FMN1: variants seen among roughly 807,000 people sequenced by gnomAD.
The protein encoded by FMN1 is formin-1.
In FMN1, 110 loss-of-function variants were observed where a neutral mutation model predicts 132.4. The observed-to-expected ratio is 0.83, with a 90% CI of 0.71 to 0.97. The LOEUF (loss-of-function observed/expected upper bound fraction) is 0.97. FMN1 is among the 50% of genes least tolerant of loss of function. The pLI is 0.00. For synonymous variants in FMN1, 722 were observed against 651.7 expected, an observed-to-expected ratio of 1.11 and a Z score of -1.64; for missense variants, 1,792 against 1,705.3, an observed-to-expected ratio of 1.05 and a Z score of -0.90.
chr15:33,048,644 A>AAAAAAAAAAAACAAAAAC, intron 6 of FMN1, among the ~76,000 whole-genome samples: 22 of 86,898 alleles, frequency 2.5e-4, no homozygotes, highest in South Asian at 6.2e-4. Flanking sequence ...AAAAAAAAAA[A>AAAAAAAAAAAACAAAAAC]AAAAACCAAC....
intron 9 of FMN1, among the ~76,000 whole-genome samples, chr15:32,958,866 A>G (rs1330848411): frequency 6.6e-6 from 1 of 152,020 alleles, no homozygotes; most frequent in Non-Finnish European, 1.5e-5. Context: ...ATGTGGTGAA[A>G]GCCCGTCTCT....
chr15:32,818,126 C>T (rs1247287289), intron 17 of FMN1, among the ~76,000 whole-genome samples: 2 of 152,112 alleles, frequency 1.3e-5, no homozygotes, highest in African/African-American at 4.8e-5. Flanking sequence ...TATTTATAAT[C>T]ACACACTCAT....
At chr15:32,780,235 G>A (rs2056620415) in intron 19 of FMN1, among the ~76,000 whole-genome samples, 6 of 152,138 alleles carry the variant, frequency 3.9e-5, no homozygotes, top group Admixed American at 3.9e-4. Context: ...AGATGACTAA[G>A]GCATTGTAAG....
intron 12 of FMN1, among the ~76,000 whole-genome samples, chr15:32,907,351 A>G (rs1436041135): frequency 6.6e-6 from 1 of 152,076 alleles, no homozygotes; most frequent in Non-Finnish European, 1.5e-5. Context: ...GATTCTCATA[A>G]GGAGCGTGCA....
intron 19 of FMN1, among the ~76,000 whole-genome samples, chr15:32,794,079 T>C (rs2057188756): frequency 6.6e-6 from 1 of 152,130 alleles, no homozygotes; most frequent in Admixed American, 6.5e-5. Flanking sequence ...TTGAACTATC[T>C]TCTGTAAAGG....
chr15:33,123,199 C>T (rs1201481520), intron 4 of FMN1, among the ~76,000 whole-genome samples: 1 of 151,716 alleles, frequency 6.6e-6, no homozygotes, highest in African/African-American at 2.4e-5. Context: ...ATTCAAGTCC[C>T]CATCAACTGG....
At chr15:32,953,391 C>T (rs1596335407) in intron 9 of FMN1, among the ~76,000 whole-genome samples, 1 of 152,292 alleles carries the variant, frequency 6.6e-6, no homozygotes, top group South Asian at 2.1e-4. Flanking sequence ...TGAGGCATAA[C>T]TCAGAGTCAG....
intron 7 of FMN1, among the ~76,000 whole-genome samples, chr15:32,982,238 G>T (rs1400204752): frequency 6.6e-6 from 1 of 152,146 alleles, no homozygotes; most frequent in Non-Finnish European, 1.5e-5. Flanking sequence ...GGAGGAGTGA[G>T]AGAAGAAAAC....
chr15:33,150,240 C>A, intron 4 of FMN1: 1 of 985,446 alleles, frequency 1.0e-6, no homozygotes, highest in Non-Finnish European at 1.2e-6. Flanking sequence ...TAGCACCAAG[C>A]TCCAAGGACA....
chr15:33,048,645 A>AAAAAAAAAAAAAAAC (rs1566865413), intron 6 of FMN1, among the ~76,000 whole-genome samples: 4 of 83,250 alleles, frequency 4.8e-5, no homozygotes, highest in African/African-American at 1.3e-4. Flanking sequence ...AAAAAAAAAA[A>AAAAAAAAAAAAAAAC]AAAACCAACA....
intron 4 of FMN1, among the ~76,000 whole-genome samples, chr15:33,101,900 C>A (rs2039307903): frequency 6.6e-6 from 1 of 152,086 alleles, no homozygotes; most frequent in African/African-American, 2.4e-5. Context: ...TCCAGCTGTA[C>A]TGGGCTGCTT....
At chr15:32,842,787 CTTT>C (rs5811710) in intron 17 of FMN1, among the ~76,000 whole-genome samples, 4 of 139,940 alleles carry the variant, frequency 2.9e-5, no homozygotes, top group Admixed American at 7.2e-5. Context: ...GGAACCTCAG[CTTT>C]TTTTTTTTTT....
intron 6 of FMN1, among the ~76,000 whole-genome samples, chr15:33,052,774 G>A (rs769115983): frequency 1.4e-4 from 22 of 152,154 alleles, no homozygotes; most frequent in Non-Finnish European, 7.3e-5. Flanking sequence ...CATTTGATGC[G>A]TTTTCCTCTG....
chr15:33,131,961 G>A (rs971284566), intron 4 of FMN1, among the ~76,000 whole-genome samples: 1 of 152,182 alleles, frequency 6.6e-6, no homozygotes, highest in Non-Finnish European at 1.5e-5. Context: ...ACAAGAAGGA[G>A]AGAACAAGAA....
At chr15:32,774,694 G>A (rs1024451455) in intron 20 of FMN1, among the ~76,000 whole-genome samples, 3 of 151,946 alleles carry the variant, frequency 2.0e-5, no homozygotes, top group Non-Finnish European at 2.9e-5. Flanking sequence ...GACCCCTTCC[G>A]TCCCTACCTT....
At position 33,153,822 on chromosome 15, in the gene FMN1, CA is replaced by C; in HGVS notation, c.1092del (p.Phe364LeufsTer54). 6.5e-7 allele frequency: 1 copy of C among 1,536,478 alleles called. No homozygotes were observed. Among genetic ancestry groups the C allele is most frequent in the South Asian group, 1.2e-5 (1 of 84,066 alleles). On this transcript the variant is annotated frameshift_variant, in exon 4 of 21. Coordinates refer to ENST00000616417, the MANE Select transcript of FMN1 (RefSeq NM_001277313.2). LOFTEE classifies it high-confidence loss of function. ...AGGGTGAGCAAGTCGGCTTTGGGTACAAACTCAGCGTGGGCTGCTGGGCGAA... is the reference window on the plus strand; with the variant it reads ...AGGGTGAGCAAGTCGGCTTTGGGTACAACTCAGCGTGGGCTGCTGGGCGAA... ...IAIRPAAHAE[F>X]VPKADLLTLP...
intron 10 of FMN1, among the ~76,000 whole-genome samples, chr15:32,918,299 C>T (rs1462923792): frequency 1.3e-5 from 2 of 151,836 alleles, no homozygotes; most frequent in Middle Eastern, 3.4e-3. Flanking sequence ...AAGTTGCATC[C>T]AAACAGATAA....
Position 33,121,897 on chromosome 15 carries a change from G to C in FMN1, c.1867+31151C>G, listed in dbSNP as rs555764783. Among the ~76,000 whole-genome samples the C allele has an allele frequency of 1.9e-3, 288 of 152,294 alleles. 2 individuals are homozygous for C. Among genetic ancestry groups the C allele is most frequent in the African/African-American group, 6.7e-3 (279 of 41,552 alleles). On this transcript the variant is annotated intron_variant, in intron 4 of 20. Coordinates refer to ENST00000616417, the MANE Select transcript of FMN1 (RefSeq NM_001277313.2). ...AAACAAAAAGAAAGCAGTAGACTTA[G>C]AGCCACAATAAGAAAAATCTAGAAC... is the stretch of plus-strand genomic sequence containing the variant.
At chr15:33,031,086 A>G (rs771857645) in intron 6 of FMN1, among the ~76,000 whole-genome samples, 1 of 151,750 alleles carries the variant, frequency 6.6e-6, no homozygotes, top group African/African-American at 2.4e-5. Flanking sequence ...TTATTACCAC[A>G]TCCGTGTTAG....
Sources: allele counts gnomAD v4.1 joint callset (sites outside exome capture counted in the v4.1 genomes callset), GRCh38; gene constraint gnomAD v4.1.1; transcripts MANE v1.5; gene names NCBI Gene and HGNC (gene_info 2026-07-23, HGNC 2026-07-21).